CORO7: variants seen among roughly 807,000 people sequenced by gnomAD.
The protein encoded by CORO7 is coronin-7.
Under a neutral mutation model 126.6 loss-of-function variants are expected in CORO7, and 107 were observed. That is an observed-to-expected ratio of 0.85 (90% CI 0.72 to 0.99). CORO7 has a LOEUF of 0.99. Ranked by LOEUF, CORO7 falls within the 50% of genes least tolerant of loss-of-function variation. CORO7 has a pLI of 0.00. For synonymous variants in CORO7, 603 were observed against 536.8 expected (o/e 1.12, Z -1.70); for missense variants, 1,314 against 1,255.8 (o/e 1.05, Z -0.70).
At chr16:4,409,508 G>A (rs1339499293) in intron 3 of CORO7, among the ~76,000 whole-genome samples, 1 of 152,238 alleles carries the variant, frequency 6.6e-6, no homozygotes, top group Non-Finnish European at 1.5e-5. Flanking sequence ...TGACACGCAG[G>A]GACCTCACTG....
Position 4,364,809 on chromosome 16 carries a change from G to C in CORO7, c.1010C>G (p.Ala337Gly). The change falls in exon 12 of 28, where the codon GCC becomes GGC. Residue 337 changes from alanine to glycine, a missense_variant. By Grantham distance (60) the Ala-to-Gly change is moderately conservative (BLOSUM62 0). Transcript: ENST00000251166. ...CACATGGTAGCCGATGGGCACGATG[G>C]CTGTGTCGCTCAGCTGTAGGACGCG... ...VLRVLQLSDT[A>G]IVPIGYHVPR... 6.2e-7 allele frequency: 1 copy of C among 1,611,860 alleles called. No individual in the cohort carries two copies. The highest frequency in any genetic ancestry group is 8.5e-7 in the Non-Finnish European group (1 of 1,179,752).
At position 4,361,414 on chromosome 16, in the gene CORO7, G is replaced by A; in HGVS notation, c.1634C>T (p.Ala545Val). Residue 545 changes from alanine (A) to valine (V), a missense_variant, in exon 17 of 28, where the codon GCA (alanine) becomes GTA (valine). By Grantham distance (64) the Ala-to-Val change is moderately conservative. Coordinates refer to ENST00000251166, the MANE Select transcript of CORO7 (RefSeq NM_024535.5). The stretch of plus-strand genomic sequence containing the variant: ...GTCCCAGGCCAGATCAGTCACAGCT[G>A]CCCCATTCTGCAGCGTGGGCAGTGC... ...DTALPTLQNG[A>V]AVTDLAWDPF... 2 of 1,611,858 alleles carry A rather than the reference G, an allele frequency of 1.2e-6. No homozygotes were observed. Among genetic ancestry groups the A allele is most frequent in the Non-Finnish European group, 1.7e-6 (2 of 1,179,708 alleles).
chr16:4,361,461 C>T lies in CORO7; in HGVS notation c.1587G>A (p.Lys529=). ...GTGCCGTGTCGGGCAGGCGGCCAGG[C>T]TTCCGTAGCTGTGGGAGGTGCCCCC... The part of the protein sequence containing the change: ...GGQVAVLELR[K]PGRLPDTALP... Residue 529 remains lysine, a synonymous_variant, in exon 17 of 28, where the codon AAG becomes AAA. Coordinates refer to ENST00000251166, the MANE Select transcript of CORO7 (RefSeq NM_024535.5). 1 of 1,611,670 alleles carries T rather than the reference C, an allele frequency of 6.2e-7. No homozygotes were observed. The highest frequency in any genetic ancestry group is 8.5e-7 in the Non-Finnish European group (1 of 1,179,756).
chr16:4,389,362 T>C (rs986641464), intron 7 of CORO7, among the ~76,000 whole-genome samples: 1 of 152,034 alleles, frequency 6.6e-6, no homozygotes, highest in East Asian at 1.9e-4. Flanking sequence ...CCAGAGGAAA[T>C]GCAAACAGCT....
At chr16:4,372,192 G>A (rs2054559872) in intron 9 of CORO7, among the ~76,000 whole-genome samples, 1 of 152,214 alleles carries the variant, frequency 6.6e-6, no homozygotes, top group African/African-American at 2.4e-5. Context: ...GGCGCCGACA[G>A]CCCCGCGGCC....
intron 9 of CORO7, among the ~76,000 whole-genome samples, chr16:4,385,824 C>G (rs1461512190): frequency 6.6e-6 from 1 of 152,238 alleles, no homozygotes; most frequent in Non-Finnish European, 1.5e-5. Context: ...TGCACGAACC[C>G]TGGCCTCCTC....
intron 6 of CORO7, among the ~76,000 whole-genome samples, chr16:4,395,717 C>A (rs1379946342): frequency 1.3e-5 from 2 of 152,178 alleles, no homozygotes; most frequent in African/African-American, 2.4e-5. Context: ...GGTCCAGAAC[C>A]AAACTCTAGG....
Position 4,364,660 on chromosome 16 carries a change from C to T in CORO7, c.1074G>A (p.Pro358=), listed in dbSNP as rs774654014. Reference sequence around the variant, plus strand: ...TGGCAGGCACACAGCCGGCAGTGTCCGGGAACAGGTCCTCGTGGAACTCCA... The same window carrying T: ...TGGCAGGCACACAGCCGGCAGTGTCTGGGAACAGGTCCTCGTGGAACTCCA... ...KAVEFHEDLF[P]DTAGCVPATD... Residue 358 remains proline, a synonymous_variant, in exon 13 of 28, where the codon CCG becomes CCA. Coordinates refer to ENST00000251166, the MANE Select transcript of CORO7 (RefSeq NM_024535.5). 91 of 1,581,728 alleles carry T rather than the reference C, an allele frequency of 5.8e-5. No homozygotes were observed. The highest frequency in any genetic ancestry group is 9.4e-5 in the African/African-American group (7 of 74,466).
intron 26 of CORO7, chr16:4,355,596 G>A (rs2053952834): frequency 1.9e-5 from 10 of 538,658 alleles, no homozygotes; most frequent in Non-Finnish European, 2.3e-5. Flanking sequence ...AGCCTCCCAA[G>A]GAGCTGGGAT....
At chr16:4,355,913 G>C (rs1275270567) in intron 26 of CORO7, among the ~76,000 whole-genome samples, 1 of 152,200 alleles carries the variant, frequency 6.6e-6, no homozygotes, top group Non-Finnish European at 1.5e-5. Flanking sequence ...AAGTAGCTGG[G>C]ACTACAAGTG....
chr16:4,372,053 T>G (rs2054552522), intron 9 of CORO7: 1 of 151,720 alleles, frequency 6.6e-6, no homozygotes, highest in Non-Finnish European at 1.5e-5. Context: ...GGCCAGGCTG[T>G]GCACACGCGC....
rs770990773 is a variant in CORO7 at position 4,381,436 on chromosome 16, G to C, written c.785+6550C>G. 21 of 1,579,668 alleles carry C rather than the reference G, an allele frequency of 1.3e-5. No homozygotes were observed. The highest frequency in any genetic ancestry group is 1.8e-5 in the Non-Finnish European group (21 of 1,164,780). On this transcript the variant is annotated intron_variant, in intron 9 of 27. Coordinates refer to ENST00000251166, the MANE Select transcript of CORO7 (RefSeq NM_024535.5). ...CAACAGCCTCCTGGCCCTGGAGCCC[G>C]GCATCCTGGACACTGCCAACGTGGA...
chr16:4,394,763 G>A (rs533280062), intron 7 of CORO7, among the ~76,000 whole-genome samples: 28 of 152,366 alleles, frequency 1.8e-4, no homozygotes, highest in Non-Finnish European at 3.1e-4. Context: ...AATGAACGGT[G>A]TCCCAGTGGC....
At chr16:4,375,893 C>G (rs1203583395) in intron 9 of CORO7, among the ~76,000 whole-genome samples, 1 of 152,162 alleles carries the variant, frequency 6.6e-6, no homozygotes, top group Admixed American at 6.5e-5. Context: ...AAAGCCCTGG[C>G]GTCACAGGTG....
chr16:4,357,884 A>G lies in CORO7; in HGVS notation c.2593+84T>C, dbSNP rs1281309960. 13 of 1,526,352 alleles carry G rather than the reference A, an allele frequency of 8.5e-6. No individual in the cohort carries two copies. The Admixed American group carries it at 2.4e-4, about 28-fold the overall frequency. The allele number at this position is 1,526,352 out of a possible 1,614,324, so 94.6% of individuals were successfully genotyped here. ...AGGCCAGAGGATTCTGCGTGCCAAC[A>G]GGAATGGAACTTCAACCTGGGCCTT... On this transcript the variant is annotated intron_variant, in intron 25 of 27. Coordinates refer to ENST00000251166, the MANE Select transcript of CORO7 (RefSeq NM_024535.5).
chr16:4,374,161 C>A (rs982842625), intron 9 of CORO7, among the ~76,000 whole-genome samples: 2 of 118,132 alleles, frequency 1.7e-5, no homozygotes, highest in South Asian at 5.9e-4. Flanking sequence ...TCTGTGTGCG[C>A]GTGACTGGAG....
chr16:4,361,635 C>A, intron 16 of CORO7, 166 bp from the exon 17 acceptor site: 1 of 881,742 alleles, frequency 1.1e-6, no homozygotes, highest in Non-Finnish European at 1.8e-6. Flanking sequence ...CTCTGAGCCC[C>A]AAGTGCCAAC....
At chr16:4,364,511 G>A in intron 13 of CORO7, 86 bp downstream of exon 13, 1 of 1,495,552 alleles carries the variant, frequency 6.7e-7, no homozygotes, top group Non-Finnish European at 9.0e-7. Context: ...GGGGCACCCA[G>A]CAGGCCAGAC....
intron 9 of CORO7, among the ~76,000 whole-genome samples, chr16:4,386,262 G>A (rs998907152): frequency 2.6e-5 from 4 of 152,198 alleles, no homozygotes; most frequent in African/African-American, 7.2e-5. Flanking sequence ...GTAATTACAG[G>A]GTCAGCCTTG....
Sources: gnomAD v4.1 joint callset for allele counts (sites outside exome capture counted in the v4.1 genomes callset) on GRCh38, gnomAD v4.1.1 for gene constraint, MANE v1.5 for transcripts, NCBI Gene and HGNC (gene_info 2026-07-23, HGNC 2026-07-21) for gene names.